Variants in ROCK2 observed in about 807,000 individuals in gnomAD.
ROCK2 encodes the protein Rho associated coiled-coil containing protein kinase 2, also known as rho-associated protein kinase 2.
In ROCK2, 61 loss-of-function variants were observed where a neutral mutation model predicts 195.1. The ratio of observed to expected loss-of-function variants is 0.31; its 90% CI spans 0.25 to 0.39. The LOEUF is 0.39. Ranked by LOEUF, ROCK2 falls within the 10% of genes least tolerant of loss-of-function variation. The pLI is 1.00. For missense variants in ROCK2, 1,109 were observed against 1,637.4 expected (o/e 0.68, Z 5.57); for synonymous variants, 504 against 545.5 (o/e 0.92, Z 1.06).
chr2:11,194,341 C>T lies in ROCK2; in HGVS notation c.3523G>A (p.Val1175Met). Residue 1175 changes from valine to methionine, a missense_variant, in exon 29 of 33, where the codon GTG (valine) becomes ATG (methionine). Around this residue, in one of 6 missense-constraint regions of ROCK2, gnomAD observed 221 missense variants for 355.1 expected, o/e 0.62. Transcript: ENST00000315872. The stretch of plus-strand genomic sequence containing the variant: ...AGAATCTTCTTACTGCTTACAATCA[C>T]ATACTGTTAAAACAGGGAGAAAAGA... ...TKKFGWVKKY[V>M]IVSSKKILFY... 1 of 1,378,004 alleles carries T rather than the reference C, an allele frequency of 7.3e-7. No homozygotes were observed. Among genetic ancestry groups the T allele is most frequent in the South Asian group, 1.6e-5 (1 of 60,842 alleles). The allele number at this position is 1,378,004 out of a possible 1,614,324, so 85.4% of individuals were successfully genotyped here. A position where few individuals can be genotyped will look rare whatever the true frequency, so the allele number is the denominator to read the frequency against.
intron 1 of ROCK2, among the ~76,000 whole-genome samples, chr2:11,313,254 G>A (rs747332644): frequency 6.6e-6 from 1 of 151,992 alleles, no homozygotes; most frequent in Non-Finnish European, 1.5e-5. Context: ...TGTACCATCT[G>A]CTTAATTTTC....
In ROCK2 at chr2:11,318,712, T is replaced by C. The variant is rs1478487319; in HGVS notation, c.141+25284A>G. ...CCTGAATGGTATTGCCTAGGTTTTC[T>C]TCTAGGGTTTTTACGGTTTTAAATG... On this transcript the variant is annotated intron_variant, in intron 1 of 32. Coordinates refer to ENST00000315872, the MANE Select transcript of ROCK2 (RefSeq NM_004850.5). Among the ~76,000 whole-genome samples, 3 of 152,216 alleles carry C rather than the reference T, an allele frequency of 2.0e-5. No individual in the cohort carries two copies. In the East Asian group the frequency reaches 5.8e-4, roughly 29 times the overall value.
chr2:11,260,770 GA>G (rs1666199277), intron 3 of ROCK2, among the ~76,000 whole-genome samples: 1 of 152,006 alleles, frequency 6.6e-6, no homozygotes, highest in African/African-American at 2.4e-5. Context: ...TAACTAAACA[GA>G]AAAACAAATA....
chr2:11,313,443 T>G (rs759131720), intron 1 of ROCK2, among the ~76,000 whole-genome samples: 1 of 152,080 alleles, frequency 6.6e-6, no homozygotes. Context: ...TTATTGATGT[T>G]TTAATTTTTA....
At chr2:11,216,300 C>T in intron 12 of ROCK2, 94 bp from the exon 13 acceptor site, 7 of 932,516 alleles carry the variant, frequency 7.5e-6, no homozygotes, top group Non-Finnish European at 1.7e-6. Flanking sequence ...TACTTGGTAG[C>T]TCTCCTTTAT....
chr2:11,325,864 A>C (rs1668533814), intron 1 of ROCK2, among the ~76,000 whole-genome samples: 1 of 152,186 alleles, frequency 6.6e-6, no homozygotes, highest in Non-Finnish European at 1.5e-5. Flanking sequence ...AGAAGCAGGG[A>C]TATGCGAGGC....
chr2:11,339,269 A>G (rs1669029694), intron 1 of ROCK2, among the ~76,000 whole-genome samples: 1 of 152,216 alleles, frequency 6.6e-6, no homozygotes, highest in Non-Finnish European at 1.5e-5. Flanking sequence ...GGACAGATAA[A>G]GAAAATACAG....
rs189404119 is a variant in ROCK2, at chr2:11,213,030, G to C, written c.2044-1190C>G. Among the ~76,000 whole-genome samples the C allele has an allele frequency of 1.3e-3, 197 of 152,166 alleles. 1 individual carries two copies. Among genetic ancestry groups the C allele is most frequent in the Non-Finnish European group, 1.6e-3 (111 of 67,990 alleles). On this transcript the variant is annotated intron_variant, in intron 17 of 32. Coordinates refer to ENST00000315872, the MANE Select transcript of ROCK2 (RefSeq NM_004850.5). ...ATCTTGTCACAACCTACAAATCTGG[G>C]ACTCATCTTTGACTGCTACTCATAT...
intron 29 of ROCK2, 164 bp from the exon 30 acceptor site, chr2:11,194,021 A>G: frequency 2.3e-6 from 1 of 443,908 alleles, no homozygotes; most frequent in South Asian, 6.5e-5. Flanking sequence ...AGATTTTTAG[A>G]AACCTCTATG....
rs532976220 is a variant in ROCK2 at position 11,274,282 on chromosome 2, C to CACA, written c.324+12254_324+12256dup. Among the ~76,000 whole-genome samples, 377 of 151,310 alleles carry CACA rather than the reference C, an allele frequency of 2.5e-3. 1 individual carries two copies. The highest frequency in any genetic ancestry group is 6.5e-3 in the African/African-American group (269 of 41,272). ...ATTAGAGCAAAGATAAAACAGAGAA[C>CACA]ACAACAACAACAACAACAACAACAA... On this transcript the variant is annotated intron_variant, in intron 3 of 32. Transcript: ENST00000315872.
chr2:11,241,478 T>C (rs529439254), intron 4 of ROCK2, among the ~76,000 whole-genome samples: 10 of 152,134 alleles, frequency 6.6e-5, no homozygotes, highest in Non-Finnish European at 1.5e-4. Context: ...TGATGAACTC[T>C]ATAAACCCAT....
At chr2:11,232,725 G>A (rs1212754422) in intron 5 of ROCK2, among the ~76,000 whole-genome samples, 1 of 152,122 alleles carries the variant, frequency 6.6e-6, no homozygotes, top group African/African-American at 2.4e-5. Flanking sequence ...TTCAAACAAA[G>A]GAAGGCATAG....
chr2:11,250,037 T>C (rs926959874), intron 3 of ROCK2, among the ~76,000 whole-genome samples: 2 of 152,164 alleles, frequency 1.3e-5, no homozygotes, highest in Non-Finnish European at 2.9e-5. Context: ...AACTCTCTCA[T>C]TTCAACTAAA....
At chr2:11,318,321 G>A (rs1040996839) in intron 1 of ROCK2, among the ~76,000 whole-genome samples, 13 of 152,176 alleles carry the variant, frequency 8.5e-5, no homozygotes, top group African/African-American at 3.1e-4. Flanking sequence ...GGTGTGAGAT[G>A]GTATCTCATT....
intron 3 of ROCK2, among the ~76,000 whole-genome samples, chr2:11,252,939 T>A (rs1167011080): frequency 7.0e-6 from 1 of 143,338 alleles, no homozygotes; most frequent in Non-Finnish European, 1.5e-5. Context: ...AACTTAAAAG[T>A]ATAATAATAA....
chr2:11,201,017 G>T lies in ROCK2; in HGVS notation c.2850C>A (p.Ile950=), dbSNP rs1663832046. 6 of 1,612,710 alleles carry T rather than the reference G, an allele frequency of 3.7e-6. No individual in the cohort carries two copies. Among genetic ancestry groups the T allele is most frequent in the East Asian group, 4.5e-5 (2 of 44,850 alleles). The part of the protein sequence containing the change: ...EKEKIMKELE[I]KEMMARHKQE... Reference sequence around the variant, plus strand: ...GTTTGTGTCTAGCCATCATCTCTTTGATCTCCAGCTCTTTCATGATCTTCT... The same window carrying T: ...GTTTGTGTCTAGCCATCATCTCTTTTATCTCCAGCTCTTTCATGATCTTCT... The change falls in exon 23 of 33, where the codon ATC becomes ATA. Residue 950 remains isoleucine (I), a synonymous_variant. Coordinates refer to ENST00000315872, the MANE Select transcript of ROCK2 (RefSeq NM_004850.5). The surrounding 1 kb of genome is among the most constrained non-coding windows in gnomAD (Gnocchi z 4.6).
At chr2:11,232,079 C>A (rs556603832) in intron 5 of ROCK2, among the ~76,000 whole-genome samples, 36 of 152,098 alleles carry the variant, frequency 2.4e-4, no homozygotes, top group South Asian at 1.0e-3. Context: ...CTGTATAAAA[C>A]CAAGTCACAG....
intron 3 of ROCK2, among the ~76,000 whole-genome samples, chr2:11,254,534 G>A: frequency 6.6e-6 from 1 of 151,904 alleles, no homozygotes; most frequent in East Asian, 1.9e-4. Context: ...ACTGCTTTGG[G>A]GTTATGGTAA....
chr2:11,279,003 C>T (rs886812929), intron 3 of ROCK2, among the ~76,000 whole-genome samples: 6 of 149,276 alleles, frequency 4.0e-5, no homozygotes, highest in African/African-American at 1.5e-4. Flanking sequence ...AGTAGACAAA[C>T]ACTATAAAAA....
Sources: gnomAD v4.1 joint callset for allele counts (sites outside exome capture counted in the v4.1 genomes callset) on GRCh38, gnomAD v4.1.1 for gene constraint, gnomAD v4.1.1 regional missense constraint, Gnocchi (gnomAD v3.1) non-coding constraint, MANE v1.5 for transcripts, NCBI Gene and HGNC (gene_info 2026-07-23, HGNC 2026-07-21) for gene names.